The following ABHD2 variants were observed in gnomAD, a reference collection of about 807,000 sequenced individuals.
ABHD2 encodes the protein abhydrolase domain containing 2, acylglycerol lipase.
A neutral mutation model predicts 48.1 loss-of-function variants in ABHD2; 20 were observed. The ratio of observed to expected loss-of-function variants is 0.42; its 90% confidence interval spans 0.29 to 0.60. The LOEUF (loss-of-function observed/expected upper bound fraction) is 0.60. Ranked by LOEUF, ABHD2 falls within the 20% of genes least tolerant of loss-of-function variation. The probability of loss-of-function intolerance (pLI) is 0.24; values close to 1 mark genes in which losing one functional copy is unlikely to be tolerated. For synonymous variants in ABHD2, 209 were observed against 214.2 expected, an observed-to-expected ratio of 0.98 and a Z score of 0.21; for missense variants, 405 against 550.9, an observed-to-expected ratio of 0.74 and a Z score of 2.65.
chr15:89,132,244 A>G (rs769084922), intron 3 of ABHD2, among the ~76,000 whole-genome samples: 1 of 152,174 alleles, frequency 6.6e-6, no homozygotes, highest in Non-Finnish European at 1.5e-5. Context: ...AGGCTGTTGG[A>G]CACTCAGTTT....
chr15:89,166,036 A>G lies in ABHD2; in HGVS notation c.539-9776A>G, dbSNP rs186263072. 6.6e-6 allele frequency among the ~76,000 whole-genome samples: 1 copy of G among 152,242 alleles called. No individual in the cohort carries two copies. The highest frequency in any genetic ancestry group is 1.5e-5 in the Non-Finnish European group (1 of 68,044). On this transcript the variant is annotated intron_variant, in intron 5 of 10. Transcript: ENST00000352732. The surrounding 1 kb of genome is among the most constrained non-coding windows in gnomAD (Gnocchi z 4.6). ...GTGCTTATTCTGGCCTCCATATCAT[A>G]CCTTCATATCTTGAAAGTTTTATCA...
intron 3 of ABHD2, among the ~76,000 whole-genome samples, chr15:89,136,722 G>C (rs975125171): frequency 2.0e-5 from 3 of 152,182 alleles, no homozygotes; most frequent in African/African-American, 7.2e-5. Context: ...GTAATCCAGG[G>C]GCTTCACATT....
At chr15:89,054,560 A>C in the ABHD2 span, among the ~76,000 whole-genome samples, 1 of 152,072 alleles carries the variant, frequency 6.6e-6, no homozygotes, top group African/African-American at 2.4e-5. Context: ...GCACGCCTGT[A>C]GTCCCAGCTA....
At chr15:89,043,920 TAC>T in the ABHD2 span, among the ~76,000 whole-genome samples, 25 of 152,190 alleles carry the variant, frequency 1.6e-4, no homozygotes, top group East Asian at 1.2e-3. Context: ...ATTATTATTA[TAC>T]TTTAAGTTTT....
rs756104084 is a variant in ABHD2 at position 89,116,087 on chromosome 15, A to G, written c.-6-235A>G. Among the ~76,000 whole-genome samples, 1 of 152,234 alleles carries G rather than the reference A, an allele frequency of 6.6e-6. No individual in the cohort carries two copies. The highest frequency in any genetic ancestry group is 1.5e-5 in the Non-Finnish European group (1 of 68,040). Reference sequence around the variant, plus strand: ...GAAATGCTTGTGAAATTATAAAAAGAAAACACAGTACCCAGTTTATCCATG... The same window carrying G: ...GAAATGCTTGTGAAATTATAAAAAGGAAACACAGTACCCAGTTTATCCATG... On this transcript the variant is annotated intron_variant, in intron 2 of 10. Transcript: ENST00000352732. This position sits in a 1 kb window ranked among gnomAD's most constrained non-coding sequence, Gnocchi z 4.6.
rs894345128 is a variant in ABHD2 at position 89,116,630 on chromosome 15, A to G, written c.194+109A>G. 9.3e-6 allele frequency: 11 copies of G among 1,183,866 alleles called. No individual in the cohort carries two copies. Among genetic ancestry groups the G allele is most frequent in the Non-Finnish European group, 1.3e-5 (11 of 844,318 alleles). The allele number at this position is 1,183,866 out of a possible 1,614,324, so 73.3% of individuals were successfully genotyped here. A position where few individuals can be genotyped will look rare whatever the true frequency, so the allele number is the denominator to read the frequency against. ...CGTGTCCTTAAGGCATCAATGGGAT[A>G]TGACGTCACTGGTGTTAAAATAGCC... On this transcript the variant is annotated intron_variant, in intron 3 of 10. Coordinates refer to ENST00000352732, the MANE Select transcript of ABHD2 (RefSeq NM_152924.5). The surrounding 1 kb of genome is among the most constrained non-coding windows in gnomAD (Gnocchi z 4.6).
chr15:89,138,083 G>T (rs2050343395), intron 3 of ABHD2, among the ~76,000 whole-genome samples: 1 of 152,242 alleles, frequency 6.6e-6, no homozygotes, highest in African/African-American at 2.4e-5. Flanking sequence ...AGGTGTCTGT[G>T]GTAGGAGCAG....
At chr15:89,135,845 A>G in intron 3 of ABHD2, 1 of 745,780 alleles carries the variant, frequency 1.3e-6, no homozygotes, top group South Asian at 1.5e-5. Flanking sequence ...TTTGGGCGAT[A>G]CTCAGAACAG....
At position 89,102,486 on chromosome 15, in the gene ABHD2, A is replaced by T. The variant is rs2049716834; in HGVS notation, c.-106-11239A>T. 6.6e-6 allele frequency: 1 copy of T among 152,234 alleles called. No individual in the cohort carries two copies. Among genetic ancestry groups the T allele is most frequent in the East Asian group, 1.9e-4 (1 of 5,192 alleles). The allele number at this position is 152,234 out of a possible 1,614,324, so 9.4% of individuals were successfully genotyped here. A position where few individuals can be genotyped will look rare whatever the true frequency, so the allele number is the denominator to read the frequency against. On this transcript the variant is annotated intron_variant, in intron 1 of 10. Coordinates refer to ENST00000352732, the MANE Select transcript of ABHD2 (RefSeq NM_152924.5). The surrounding 1 kb of genome is among the most constrained non-coding windows in gnomAD (Gnocchi z 4.8). ...CAAAACATCCCTCCCAGTGGTACTG[A>T]TGCCTTTTCGCAGGTTCTGTCCTCT... is the stretch of plus-strand genomic sequence containing the variant.
At chr15:89,043,027 C>G in the ABHD2 span, among the ~76,000 whole-genome samples, 41,404 of 152,000 alleles carry the variant, frequency 0.27, 5,974 homozygotes, top group African/African-American at 0.36. Flanking sequence ...ACATATTCCA[C>G]GGCTTGCCGT....
the ABHD2 span, among the ~76,000 whole-genome samples, chr15:89,067,444 T>G: frequency 6.6e-6 from 1 of 152,188 alleles, no homozygotes; most frequent in Non-Finnish European, 1.5e-5. Context: ...TCTAGACACA[T>G]TCCAGAGGCC....
chr15:89,099,571 C>T (rs1567066300), intron 1 of ABHD2, among the ~76,000 whole-genome samples: 2 of 152,008 alleles, frequency 1.3e-5, no homozygotes, highest in Non-Finnish European at 2.9e-5. Context: ...TATGATTGCA[C>T]CACTGCACTC....
rs1438704437 is a variant in ABHD2, at chr15:89,106,079, C to A, written c.-106-7646C>A. Among the ~76,000 whole-genome samples, 1 of 151,996 alleles carries A rather than the reference C, an allele frequency of 6.6e-6. No individual in the cohort carries two copies. The highest frequency in any genetic ancestry group is 1.5e-5 in the Non-Finnish European group (1 of 67,990). ...CTGTAATTCCAGCACTTTGGGAGGCCGAGGCAGGTGGATCACCTGAGGTCA... is the reference window on the plus strand; with the variant it reads ...CTGTAATTCCAGCACTTTGGGAGGCAGAGGCAGGTGGATCACCTGAGGTCA... On this transcript the variant is annotated intron_variant, in intron 1 of 10. Transcript: ENST00000352732. The surrounding 1 kb of genome is among the most constrained non-coding windows in gnomAD (Gnocchi z 4.2).
intron 5 of ABHD2, among the ~76,000 whole-genome samples, chr15:89,157,620 G>A (rs2050695020): frequency 6.6e-6 from 1 of 152,184 alleles, no homozygotes; most frequent in African/African-American, 2.4e-5. Context: ...AAGGCAGGCA[G>A]ATCACGAGGT....
chr15:89,194,412 A>G (rs6496563), intron 10 of ABHD2, among the ~76,000 whole-genome samples: 135,209 of 152,048 alleles, frequency 0.89, 60,268 homozygotes, highest in East Asian at 1. Context: ...CTTGAACCCG[A>G]GAGTGGAGGT....
At chr15:89,043,428 T>C in the ABHD2 span, among the ~76,000 whole-genome samples, 1 of 148,830 alleles carries the variant, frequency 6.7e-6, no homozygotes, top group Non-Finnish European at 1.5e-5. Flanking sequence ...CCTATCTCTT[T>C]TTTAAAGAAG....
the ABHD2 span, among the ~76,000 whole-genome samples, chr15:89,062,450 T>C: frequency 1.3e-5 from 2 of 152,214 alleles, no homozygotes; most frequent in South Asian, 4.1e-4. Context: ...AGTGGTGTGA[T>C]CTTGGCTCAC....
chr15:89,194,882 G>A (rs1197950272), intron 10 of ABHD2, among the ~76,000 whole-genome samples: 1 of 148,292 alleles, frequency 6.7e-6, no homozygotes, highest in Non-Finnish European at 1.5e-5. Flanking sequence ...CCCACCCCCA[G>A]AGATTCTGAT....
At chr15:89,180,923 T>C (rs1275560253) in intron 6 of ABHD2, among the ~76,000 whole-genome samples, 2 of 152,104 alleles carry the variant, frequency 1.3e-5, no homozygotes, top group South Asian at 2.1e-4. Flanking sequence ...CACGACAGAA[T>C]GTATATATTA....
Sources: allele counts gnomAD v4.1 joint callset (sites outside exome capture counted in the v4.1 genomes callset), GRCh38; gene constraint gnomAD v4.1.1; non-coding constraint Gnocchi (gnomAD v3.1); transcripts MANE v1.5; gene names NCBI Gene and HGNC (gene_info 2026-07-23, HGNC 2026-07-21).